The following PRKN variants were observed in gnomAD, a reference collection of about 807,000 sequenced individuals.
The protein encoded by PRKN is parkin RBR E3 ubiquitin protein ligase.
Under a neutral mutation model 59.5 loss-of-function variants are expected in PRKN, and 56 were observed. That is an observed-to-expected ratio of 0.94 (90% CI 0.76 to 1.18). PRKN has a LOEUF of 1.18. Ranked by LOEUF, PRKN falls within the 50% of genes most tolerant of loss-of-function variation. PRKN has a pLI of 0.00. For missense variants in PRKN, 657 were observed against 596.4 expected (o/e 1.10, Z -1.06); for synonymous variants, 250 against 222.1 (o/e 1.13, Z -1.12).
In PRKN at chr6:162,461,534, AAAAAG is replaced by A. The variant is rs970993875; in HGVS notation, c.8-18066_8-18062del. Among the ~76,000 whole-genome samples, 11 of 147,830 alleles carry A rather than the reference AAAAAG, an allele frequency of 7.4e-5. No homozygotes were observed. The South Asian group carries it at 1.1e-3, about 15-fold the overall frequency. On this transcript the variant is annotated intron_variant, in intron 1 of 11. Coordinates refer to ENST00000366898, the MANE Select transcript of PRKN (RefSeq NM_004562.3). ...AAAAAAAAAAAAAAAAAAAAGAAAG[AAAAAG>A]AAAAGAAAAGAAAACAAAAAAAGAA...
At chr6:161,587,629 C>T (rs1034110785) in intron 7 of PRKN, among the ~76,000 whole-genome samples, 2 of 151,598 alleles carry the variant, frequency 1.3e-5, no homozygotes, top group Non-Finnish European at 2.9e-5. Flanking sequence ...AGTTTCATTC[C>T]TGCTTTTTTT....
At chr6:162,429,616 C>T (rs1005031665) in intron 2 of PRKN, among the ~76,000 whole-genome samples, 13 of 152,100 alleles carry the variant, frequency 8.5e-5, no homozygotes, top group Admixed American at 8.5e-4. Flanking sequence ...TGGCCCGCCA[C>T]CTGCCCCATT....
rs60024002 is a variant in PRKN, at chr6:162,498,393, CTT to C, written c.8-54922_8-54921del. ...CAGAATCATTTTTTTTCTTTCTTTC[CTT>C]TTTTTTTTTTTTTTTTTTTTGAGAT... is the stretch of plus-strand genomic sequence containing the variant. On this transcript the variant is annotated intron_variant, in intron 1 of 11. Transcript: ENST00000366898. Among the ~76,000 whole-genome samples the C allele has an allele frequency of 1.0e-3, 22 of 21,564 alleles. 1 individual carries two copies. Among genetic ancestry groups the C allele is most frequent in the African/African-American group, 3.0e-3 (20 of 6,634 alleles). 14.1% of individuals were successfully genotyped at this position (21,564 alleles called of 152,430 possible).
intron 7 of PRKN, among the ~76,000 whole-genome samples, chr6:161,676,259 C>G (rs1785083216): frequency 6.6e-6 from 1 of 152,176 alleles, no homozygotes; most frequent in South Asian, 2.1e-4. Context: ...ACAAGGAGTT[C>G]TTGAGTCTCT....
At chr6:161,841,776 A>G (rs1008674560) in intron 6 of PRKN, among the ~76,000 whole-genome samples, 6 of 152,190 alleles carry the variant, frequency 3.9e-5, no homozygotes, top group African/African-American at 1.4e-4. Context: ...GCCATCTTCC[A>G]GGTGACATCT....
intron 6 of PRKN, among the ~76,000 whole-genome samples, chr6:161,873,223 T>C (rs1794416490): frequency 6.6e-6 from 1 of 152,000 alleles, no homozygotes; most frequent in Admixed American, 6.6e-5. Flanking sequence ...ACTCCATCTC[T>C]GGAGCCTTTC....
At chr6:161,897,870 G>A (rs2128234033) in intron 6 of PRKN, among the ~76,000 whole-genome samples, 1 of 149,430 alleles carries the variant, frequency 6.7e-6, no homozygotes, top group Admixed American at 6.7e-5. Context: ...GGGAGGCTGA[G>A]GCAGGAGAAT....
At chr6:162,124,843 G>A (rs1250586305) in intron 4 of PRKN, among the ~76,000 whole-genome samples, 1 of 152,168 alleles carries the variant, frequency 6.6e-6, no homozygotes, top group East Asian at 1.9e-4. Flanking sequence ...CATGTTTCGG[G>A]TGCTGAGGAG....
At chr6:161,431,087 C>T (rs1018046597) in intron 9 of PRKN, among the ~76,000 whole-genome samples, 6 of 147,850 alleles carry the variant, frequency 4.1e-5, no homozygotes, top group South Asian at 4.3e-4. Flanking sequence ...TGAAACGAGT[C>T]GAGATCACTC....
rs114367552 is a variant in PRKN, at chr6:161,887,557, G to A, written c.734+85745C>T. ...CAAGTTAGTGAAACTTTTCAAGGTC[G>A]TCATGTATGATTGTATAAGAGATGC... On this transcript the variant is annotated intron_variant, in intron 6 of 11. Transcript: ENST00000366898. 1.1e-4 allele frequency among the ~76,000 whole-genome samples: 16 copies of A among 152,226 alleles called. No individual in the cohort carries two copies. In the East Asian group the frequency reaches 1.9e-3, roughly 18 times the overall value.
intron 5 of PRKN, among the ~76,000 whole-genome samples, chr6:162,051,367 A>C (rs1271398237): frequency 6.6e-6 from 1 of 152,110 alleles, no homozygotes; most frequent in African/African-American, 2.4e-5. Context: ...AAGAAGCTTC[A>C]TTTGTCACCC....
rs1267318405 is a variant in PRKN at position 161,902,555 on chromosome 6, TA to T, written c.734+70746del. ...CTATCTATCTATCTATCTATTTATT[TA>T]TTTATTTATTTTTTTTTTTTTGCGA... On this transcript the variant is annotated intron_variant, in intron 6 of 11. Coordinates refer to ENST00000366898, the MANE Select transcript of PRKN (RefSeq NM_004562.3). Among the ~76,000 whole-genome samples the T allele has an allele frequency of 3.7e-4, 49 of 132,822 alleles. 1 individual carries two copies. The highest frequency in any genetic ancestry group is 1.2e-3 in the African/African-American group (41 of 33,456). 87.1% of individuals were successfully genotyped at this position (132,822 alleles called of 152,430 possible).
intron 7 of PRKN, among the ~76,000 whole-genome samples, chr6:161,683,297 CAGACGCGTCTGG>C (rs950511783): frequency 6.6e-6 from 1 of 152,170 alleles, no homozygotes; most frequent in African/African-American, 2.4e-5. Flanking sequence ...TCCAGTTTCC[CAGACGCGTCTGG>C]GTCCTGGGAA....
chr6:162,562,133 GAA>G (rs1562387654), intron 1 of PRKN, among the ~76,000 whole-genome samples: 1 of 152,108 alleles, frequency 6.6e-6, no homozygotes, highest in Admixed American at 6.5e-5. Flanking sequence ...GCAACAGACT[GAA>G]TTGTGAGGCC....
intron 7 of PRKN, among the ~76,000 whole-genome samples, chr6:161,687,953 C>T (rs1335479833): frequency 6.6e-6 from 1 of 152,124 alleles, no homozygotes; most frequent in Non-Finnish European, 1.5e-5. Context: ...AGGTTCCCTG[C>T]TACCTCTTTA....
chr6:161,545,366 T>C lies in PRKN; in HGVS notation c.1083+3488A>G. ...CTATAGCTTTGCTACCAATGACTTT[T>C]CCTTGAACGATGTATTGAATGAGGC... On this transcript the variant is annotated intron_variant, in intron 9 of 11. Coordinates refer to ENST00000366898, the MANE Select transcript of PRKN (RefSeq NM_004562.3). This position sits in a 1 kb window ranked among gnomAD's most constrained non-coding sequence, Gnocchi z 4.1. 6.2e-7 allele frequency: 1 copy of C among 1,611,626 alleles called. No individual in the cohort carries two copies. The highest frequency in any genetic ancestry group is 8.5e-7 in the Non-Finnish European group (1 of 1,179,294).
chr6:162,443,997 C>T (rs1428238497), intron 1 of PRKN, among the ~76,000 whole-genome samples: 1 of 152,178 alleles, frequency 6.6e-6, no homozygotes, highest in Non-Finnish European at 1.5e-5. Flanking sequence ...GGCCAAAATG[C>T]TCCACTGGGT....
At chr6:161,992,591 A>T (rs902988078) in intron 5 of PRKN, among the ~76,000 whole-genome samples, 3 of 152,220 alleles carry the variant, frequency 2.0e-5, no homozygotes, top group African/African-American at 7.2e-5. Flanking sequence ...AATTGCACTT[A>T]TGACCAAATG....
intron 7 of PRKN, among the ~76,000 whole-genome samples, chr6:161,771,074 T>C (rs1369318747): frequency 6.6e-6 from 1 of 151,992 alleles, no homozygotes; most frequent in Non-Finnish European, 1.5e-5. Context: ...CAGTAGTTGA[T>C]GGCCGGGCGC....
Sources: gnomAD v4.1 joint callset for allele counts (sites outside exome capture counted in the v4.1 genomes callset) on GRCh38, gnomAD v4.1.1 for gene constraint, Gnocchi (gnomAD v3.1) non-coding constraint, MANE v1.5 for transcripts, NCBI Gene and HGNC (gene_info 2026-07-23, HGNC 2026-07-21) for gene names.